The following RPS6KA2 variants were observed in gnomAD, a reference collection of about 807,000 sequenced individuals.
The protein encoded by RPS6KA2 is ribosomal protein S6 kinase A2, also known as ribosomal protein S6 kinase alpha-2.
In RPS6KA2, 42 loss-of-function variants were observed where a neutral mutation model predicts 91.8. That is an observed-to-expected ratio of 0.46 (90% confidence interval 0.36 to 0.59). RPS6KA2 has a LOEUF of 0.59. Among genes scored for constraint, RPS6KA2 ranks in the 20% least tolerant of loss-of-function variants. RPS6KA2 has a pLI of 0.00. For synonymous variants in RPS6KA2, 414 were observed against 393.6 expected, an observed-to-expected ratio of 1.05 and a Z score of -0.61; for missense variants, 798 against 978.5, an observed-to-expected ratio of 0.82 and a Z score of 2.46.
intron 10 of RPS6KA2, 47 bp downstream of exon 10, chr6:166,488,786 G>T: frequency 1.4e-6 from 2 of 1,469,390 alleles, no homozygotes; most frequent in South Asian, 1.2e-5. Flanking sequence ...AGCTTGCGGG[G>T]CAGCGCCCTG....
At chr6:166,746,636 C>A (rs973886684) in intron 2 of RPS6KA2, among the ~76,000 whole-genome samples, 5 of 152,220 alleles carry the variant, frequency 3.3e-5, no homozygotes, top group Admixed American at 1.3e-4. Flanking sequence ...AGATGCCAGT[C>A]GTAAGCCCCA....
chr6:166,647,923 CACACACGCACATGCTCAT>C (rs1284830542), intron 2 of RPS6KA2, among the ~76,000 whole-genome samples: 1 of 149,452 alleles, frequency 6.7e-6, no homozygotes, highest in Non-Finnish European at 1.5e-5. Context: ...CACATGCTCA[CACACACGCACATGCTCAT>C]ACACACACAT....
chr6:166,567,652 C>T (rs542499777), intron 1 of RPS6KA2, among the ~76,000 whole-genome samples: 3 of 152,284 alleles, frequency 2.0e-5, no homozygotes, highest in African/African-American at 7.2e-5. Context: ...GCCCAATGTG[C>T]ATTTCACTGT....
intron 10 of RPS6KA2, among the ~76,000 whole-genome samples, chr6:166,474,314 C>A (rs188005124): frequency 6.6e-6 from 1 of 152,214 alleles, no homozygotes; most frequent in Admixed American, 6.5e-5. Context: ...ACAAGAGCAA[C>A]GGAAAACCTC....
At chr6:166,572,240 A>G (rs1012046766) in intron 1 of RPS6KA2, among the ~76,000 whole-genome samples, 1 of 152,226 alleles carries the variant, frequency 6.6e-6, no homozygotes, top group African/African-American at 2.4e-5. Context: ...CCAGTTCTCT[A>G]ATTGGAATAT....
intron 15 of RPS6KA2, among the ~76,000 whole-genome samples, 189 bp downstream of exon 15, chr6:166,432,212 C>T (rs562104671): frequency 2.5e-4 from 38 of 152,230 alleles, no homozygotes; most frequent in Middle Eastern, 3.4e-3. Flanking sequence ...ATGACTGGGG[C>T]GGTGGCTGTC....
intron 2 of RPS6KA2, among the ~76,000 whole-genome samples, chr6:166,814,065 A>G (rs1350266695): frequency 1.3e-5 from 2 of 152,240 alleles, no homozygotes; most frequent in Admixed American, 6.5e-5. Context: ...ACATTTTGCA[A>G]TTATAAACAT....
Position 166,849,477 on chromosome 6 carries a change from T to C in RPS6KA2, c.123+8723A>G, listed in dbSNP as rs1780682631. Among the ~76,000 whole-genome samples the C allele has an allele frequency of 6.6e-6, 1 of 152,234 alleles. No individual in the cohort carries two copies. The highest frequency in any genetic ancestry group is 6.5e-5 in the Admixed American group (1 of 15,288). On this transcript the variant is annotated intron_variant, in intron 2 of 21. Coordinates refer to the RPS6KA2 transcript ENST00000503859. The surrounding 1 kb of genome is among the most constrained non-coding windows in gnomAD (Gnocchi z 4.9). ...CACACAGTTATCACTCCCCAGACTT[T>C]GCCCGAAGAATAAAAGAAGAAGGGA...
Position 166,531,437 on chromosome 6 carries a change from A to G in RPS6KA2, c.217-124T>C, listed in dbSNP as rs553018336. On this transcript the variant is annotated intron_variant, in intron 2 of 20. Coordinates refer to ENST00000265678, the MANE Select transcript of RPS6KA2 (RefSeq NM_021135.6). ...TTTCAATAAAACAAGTACACTGGTG[A>G]GAATTTAAAATTTTCTCCAACGTCA... The G allele has an allele frequency of 2.6e-5, 19 of 743,714 alleles. No homozygotes were observed. The South Asian group carries it at 2.8e-4, about 11-fold the overall frequency. 46.1% of individuals were successfully genotyped at this position (743,714 alleles called of 1,614,324 possible).
At chr6:166,764,825 CAT>C (rs150235820) in intron 2 of RPS6KA2, among the ~76,000 whole-genome samples, 28,051 of 152,226 alleles carry the variant, frequency 0.18, 2,832 homozygotes, top group Non-Finnish European at 0.23. Flanking sequence ...GCTACAGTCA[CAT>C]GTTACGTATT....
chr6:166,683,043 G>A (rs1197366365), intron 2 of RPS6KA2, among the ~76,000 whole-genome samples: 3 of 152,172 alleles, frequency 2.0e-5, no homozygotes, highest in Non-Finnish European at 4.4e-5. Context: ...GATGGGTCTC[G>A]CCGCTTGCCC....
exon 1 of RPS6KA2, chr6:166,862,138 T>C (rs1010501813): frequency 3.1e-6 from 5 of 1,614,136 alleles, no homozygotes; most frequent in African/African-American, 2.7e-5. Context: ...CCTCGATCTT[T>C]TTCCATAGTT....
chr6:166,780,363 G>A (rs894593003), intron 2 of RPS6KA2, among the ~76,000 whole-genome samples: 1 of 152,210 alleles, frequency 6.6e-6, no homozygotes, highest in African/African-American at 2.4e-5. Context: ...TGGCCATGGG[G>A]AGAGAGATGG....
At chr6:166,651,495 T>C (rs952648155) in intron 2 of RPS6KA2, among the ~76,000 whole-genome samples, 6 of 152,214 alleles carry the variant, frequency 3.9e-5, no homozygotes, top group African/African-American at 1.4e-4. Flanking sequence ...TTGCTTAGCT[T>C]AACGTTTTTC....
At chr6:166,701,872 C>G in intron 2 of RPS6KA2, 1 of 935,854 alleles carries the variant, frequency 1.1e-6, no homozygotes, top group South Asian at 1.3e-5. Flanking sequence ...GATTATACTG[C>G]ATCAGTTCCT....
At chr6:166,740,108 C>T (rs1000793752) in intron 2 of RPS6KA2, among the ~76,000 whole-genome samples, 1 of 152,192 alleles carries the variant, frequency 6.6e-6, no homozygotes, top group East Asian at 1.9e-4. Flanking sequence ...ACATGCTCTT[C>T]GTGGCTTCTT....
chr6:166,862,589 G>A (rs1781075618), upstream of RPS6KA2: 5 of 239,154 alleles, frequency 2.1e-5, no homozygotes, highest in South Asian at 2.8e-4. Context: ...CCCTGGCCAC[G>A]CTCTTCCCTC....
chr6:166,539,068 T>G (rs1783574045), intron 1 of RPS6KA2, among the ~76,000 whole-genome samples: 1 of 152,112 alleles, frequency 6.6e-6, no homozygotes, highest in Non-Finnish European at 1.5e-5. Flanking sequence ...CCTGCCACCA[T>G]GCCCACCTAA....
rs58796308 is a variant in RPS6KA2, at chr6:166,550,994, C to CAAAAAAAAAAAAAAAAAAAAAAAAAA, written c.100-12211_100-12210insTTTTTTTTTTTTTTTTTTTTTTTTTT. Among the ~76,000 whole-genome samples, 5 of 106,372 alleles carry CAAAAAAAAAAAAAAAAAAAAAAAAAA rather than the reference C, an allele frequency of 4.7e-5. 1 individual carries two copies. Among genetic ancestry groups the CAAAAAAAAAAAAAAAAAAAAAAAAAA allele is most frequent in the East Asian group, 3.2e-4 (1 of 3,112 alleles). The allele number at this position is 106,372 out of a possible 152,430, so 69.8% of individuals were successfully genotyped here. On this transcript the variant is annotated intron_variant, in intron 1 of 20. Transcript: ENST00000265678. ...CTGGCAACAGAGCCGGACTCTATCT[C>CAAAAAAAAAAAAAAAAAAAAAAAAAA]AAAAAAAAAAAAAAAAAGAACGTGA...
Sources: gnomAD v4.1 joint callset for allele counts (sites outside exome capture counted in the v4.1 genomes callset) on GRCh38, gnomAD v4.1.1 for gene constraint, Gnocchi (gnomAD v3.1) non-coding constraint, MANE v1.5 for transcripts, NCBI Gene and HGNC (gene_info 2026-07-23, HGNC 2026-07-21) for gene names.